Variants in UVRAG observed in about 807,000 individuals in gnomAD.
UVRAG encodes UV radiation resistance associated.
A neutral mutation model predicts 78.0 loss-of-function variants in UVRAG; 19 were observed. That is an observed-to-expected ratio of 0.24 (90% confidence interval 0.17 to 0.36). The LOEUF (loss-of-function observed/expected upper bound fraction) is 0.36, where lower values mean the gene tolerates loss of function less well. UVRAG is among the 10% of genes least tolerant of loss of function. The pLI is 1.00. For missense variants in UVRAG, 740 were observed against 853.8 expected (o/e 0.87, Z 1.66); for synonymous variants, 323 against 324.6 (o/e 1.00, Z 0.05).
At chr11:76,062,325 G>A (rs78673883) in intron 12 of UVRAG, among the ~76,000 whole-genome samples, 2,322 of 152,152 alleles carry the variant, frequency 0.015, 61 homozygotes, top group African/African-American at 0.053. Context: ...TTTGGAGGCC[G>A]CCGTGTAACC....
chr11:76,074,543 A>G (rs904300037), intron 13 of UVRAG, among the ~76,000 whole-genome samples: 5 of 152,156 alleles, frequency 3.3e-5, no homozygotes, highest in Non-Finnish European at 5.9e-5. Context: ...ATAGAATGTA[A>G]TGGCTTTGGA....
At chr11:75,884,311 G>C in intron 4 of UVRAG, among the ~76,000 whole-genome samples, 1 of 151,210 alleles carries the variant, frequency 6.6e-6, no homozygotes, top group Non-Finnish European at 1.5e-5. Flanking sequence ...GAATTATTGA[G>C]TTGTAAAGTT....
At chr11:75,915,738 T>A (rs1591013299) in intron 6 of UVRAG, among the ~76,000 whole-genome samples, 2 of 152,378 alleles carry the variant, frequency 1.3e-5, no homozygotes, top group Middle Eastern at 6.8e-3. Context: ...ACAGGCTTAG[T>A]AGATAGCTTT....
intron 10 of UVRAG, 51 bp from the exon 11 acceptor site, chr11:76,008,756 T>TA: frequency 1.9e-6 from 2 of 1,047,916 alleles, no homozygotes; most frequent in East Asian, 2.6e-5. Flanking sequence ...AGATTTAACT[T>TA]AGAGTTTCTT....
chr11:75,895,780 T>TA (rs1175721329), intron 5 of UVRAG, among the ~76,000 whole-genome samples: 5 of 152,164 alleles, frequency 3.3e-5, no homozygotes, highest in African/African-American at 1.2e-4. Context: ...CCTGGCCAGA[T>TA]ACTGCAATCT....
rs1471758006 is a variant in UVRAG at position 75,874,444 on chromosome 11, T to A, written c.271-5435T>A. Among the ~76,000 whole-genome samples the A allele has an allele frequency of 2.6e-5, 4 of 152,222 alleles. 1 individual carries two copies. The highest frequency in any genetic ancestry group is 2.6e-4 in the Admixed American group (4 of 15,282). ...AACATTCCTGCACAATCTAGATGCATCTTAAAACCAGTTCTTTTTGGTTGT... is the reference window on the plus strand; with the variant it reads ...AACATTCCTGCACAATCTAGATGCAACTTAAAACCAGTTCTTTTTGGTTGT... On this transcript the variant is annotated intron_variant, in intron 3 of 14. Coordinates refer to ENST00000356136, the MANE Select transcript of UVRAG (RefSeq NM_003369.4).
At chr11:75,885,557 A>G (rs958158137) in intron 4 of UVRAG, among the ~76,000 whole-genome samples, 3 of 152,130 alleles carry the variant, frequency 2.0e-5, no homozygotes, top group Non-Finnish European at 1.5e-5. Flanking sequence ...GACTGTATGT[A>G]TTATTCATTT....
chr11:75,836,811 A>G (rs1473209797), intron 1 of UVRAG, among the ~76,000 whole-genome samples: 1 of 152,212 alleles, frequency 6.6e-6, no homozygotes, highest in African/African-American at 2.4e-5. Context: ...GAAACCCACC[A>G]AGATTAGCAG....
At chr11:76,087,340 A>T (rs1187760872) in intron 13 of UVRAG, among the ~76,000 whole-genome samples, 3 of 152,132 alleles carry the variant, frequency 2.0e-5, no homozygotes, top group African/African-American at 7.2e-5. Context: ...AGTGTTTTTA[A>T]ATTTTGTCCC....
At chr11:75,843,420 A>G (rs1209018204) in intron 1 of UVRAG, among the ~76,000 whole-genome samples, 5 of 152,208 alleles carry the variant, frequency 3.3e-5, no homozygotes, top group East Asian at 1.9e-4. Flanking sequence ...ACCTTACAGT[A>G]TAAGTTCTTT....
intron 1 of UVRAG, among the ~76,000 whole-genome samples, chr11:75,836,015 C>T (rs201379138): frequency 1.6e-4 from 24 of 151,914 alleles, no homozygotes; most frequent in African/African-American, 4.1e-4. Flanking sequence ...GCAGGAGAAT[C>T]GCTTGAACCC....
intron 3 of UVRAG, among the ~76,000 whole-genome samples, chr11:75,875,440 G>A (rs1271245977): frequency 2.0e-5 from 3 of 150,636 alleles, no homozygotes; most frequent in Non-Finnish European, 3.0e-5. Context: ...TCTTGCTTAG[G>A]ACCTGTTACG....
chr11:76,033,518 C>G (rs1950475539), intron 12 of UVRAG, among the ~76,000 whole-genome samples: 1 of 151,468 alleles, frequency 6.6e-6, no homozygotes, highest in Admixed American at 6.6e-5. Context: ...GAAACAAGAC[C>G]ATATTATGAG....
intron 8 of UVRAG, among the ~76,000 whole-genome samples, chr11:75,984,127 A>G: frequency 6.6e-6 from 1 of 152,128 alleles, no homozygotes; most frequent in Non-Finnish European, 1.5e-5. Flanking sequence ...CCATACTATG[A>G]ATTTTGAATT....
chr11:76,038,385 T>A (rs1362551934), intron 12 of UVRAG, among the ~76,000 whole-genome samples: 1 of 151,958 alleles, frequency 6.6e-6, no homozygotes, highest in Non-Finnish European at 1.5e-5. Flanking sequence ...GCAAAAAAAA[T>A]ACAAATTTAA....
chr11:76,129,012 C>T (rs1431192802), intron 14 of UVRAG, among the ~76,000 whole-genome samples: 1 of 152,010 alleles, frequency 6.6e-6, no homozygotes, highest in Admixed American at 6.5e-5. Context: ...TACTGCAAAC[C>T]AGGCACTCTT....
At chr11:75,949,738 CAT>C (rs61611526) in intron 6 of UVRAG, among the ~76,000 whole-genome samples, 4,491 of 148,394 alleles carry the variant, frequency 0.03, 237 homozygotes, top group African/African-American at 0.1. Context: ...CACATATACA[CAT>C]ATATATATAC....
intron 7 of UVRAG, among the ~76,000 whole-genome samples, chr11:75,965,847 A>G (rs969559483): frequency 3.9e-5 from 6 of 152,170 alleles, no homozygotes; most frequent in African/African-American, 1.4e-4. Flanking sequence ...TTCTTTGTAA[A>G]GAATCATAAC....
At chr11:75,822,662 T>G (rs1197717270) in intron 1 of UVRAG, among the ~76,000 whole-genome samples, 3 of 143,012 alleles carry the variant, frequency 2.1e-5, no homozygotes, top group African/African-American at 8.4e-5. Flanking sequence ...TTGCACTTAC[T>G]GTTTTTTTTT....
Sources: gnomAD v4.1 joint callset for allele counts (sites outside exome capture counted in the v4.1 genomes callset) on GRCh38, gnomAD v4.1.1 for gene constraint, MANE v1.5 for transcripts, NCBI Gene and HGNC (gene_info 2026-07-23, HGNC 2026-07-21) for gene names.